SGCD: variants seen among roughly 807,000 people sequenced by gnomAD.
The protein encoded by SGCD is sarcoglycan delta, also known as delta-sarcoglycan.
A neutral mutation model predicts 36.6 loss-of-function variants in SGCD; 18 were observed. The observed-to-expected ratio is 0.49, with a 90% confidence interval of 0.34 to 0.73. The LOEUF (loss-of-function observed/expected upper bound fraction) is 0.73, where lower values mean the gene tolerates loss of function less well. Among genes scored for constraint, SGCD ranks in the 30% least tolerant of loss-of-function variants. SGCD has a pLI of 0.01. For missense variants in SGCD, 387 were observed against 346.7 expected (o/e 1.12, Z -0.92); for synonymous variants, 133 against 130.6 (o/e 1.02, Z -0.12).
chr5:155,974,984 C>T (rs968080838), intron 1 of SGCD, among the ~76,000 whole-genome samples: 1 of 152,166 alleles, frequency 6.6e-6, no homozygotes, highest in Non-Finnish European at 1.5e-5. Context: ...TTCTCTGGGA[C>T]TGGAAATTGA....
chr5:156,755,016 G>C (rs1041327615), intron 7 of SGCD, among the ~76,000 whole-genome samples: 4 of 152,186 alleles, frequency 2.6e-5, no homozygotes, highest in Non-Finnish European at 5.9e-5. Flanking sequence ...GACAAAACTT[G>C]AGACACAGTT....
chr5:156,570,792 T>A (rs553630933), intron 4 of SGCD, among the ~76,000 whole-genome samples: 1 of 152,288 alleles, frequency 6.6e-6, no homozygotes, highest in Non-Finnish European at 1.5e-5. Flanking sequence ...GATCCTTTCC[T>A]TCCTCCCACC....
chr5:156,509,115 C>T (rs1277596342), intron 4 of SGCD, among the ~76,000 whole-genome samples: 2 of 152,100 alleles, frequency 1.3e-5, no homozygotes, highest in African/African-American at 4.8e-5. Flanking sequence ...ACTGTGTAGC[C>T]AGTGTTGGTT....
intron 1 of SGCD, among the ~76,000 whole-genome samples, chr5:155,909,842 T>C (rs1357820612): frequency 6.6e-6 from 1 of 152,048 alleles, no homozygotes; most frequent in Non-Finnish European, 1.5e-5. Flanking sequence ...AAATTTAACA[T>C]TCAAGGGTTT....
At chr5:156,611,066 C>G (rs1456700252) in intron 6 of SGCD, among the ~76,000 whole-genome samples, 1 of 152,230 alleles carries the variant, frequency 6.6e-6, no homozygotes, top group African/African-American at 2.4e-5. Context: ...CAGTGTCCAA[C>G]AGTCCCCAGT....
In SGCD at chr5:156,680,280, C is replaced by G. The variant is rs932448405; in HGVS notation, c.575+32744C>G. ...ATTGGAACCAAAGTTTCCTGACCCCCGGGACTGGGTACTTTCTGGTATTTG... is the reference window on the plus strand; with the variant it reads ...ATTGGAACCAAAGTTTCCTGACCCCGGGGACTGGGTACTTTCTGGTATTTG... On this transcript the variant is annotated intron_variant, in intron 7 of 8. Coordinates refer to ENST00000337851, the MANE Select transcript of SGCD (RefSeq NM_000337.6). 2.0e-5 allele frequency among the ~76,000 whole-genome samples: 3 copies of G among 152,210 alleles called. No individual in the cohort carries two copies. In the East Asian group the frequency reaches 5.8e-4, roughly 29 times the overall value.
chr5:156,423,233 T>TATAATATA (rs1561685361), intron 3 of SGCD, among the ~76,000 whole-genome samples: 1 of 97,162 alleles, frequency 1.0e-5, no homozygotes, highest in African/African-American at 4.7e-5. Context: ...TATATTGTAT[T>TATAATATA]ATATTATATT....
chr5:156,080,268 G>A (rs914291013), intron 1 of SGCD, among the ~76,000 whole-genome samples: 3 of 152,184 alleles, frequency 2.0e-5, no homozygotes, highest in African/African-American at 7.2e-5. Flanking sequence ...AAATCATCTA[G>A]TCCTCTTAGG....
intron 1 of SGCD, among the ~76,000 whole-genome samples, chr5:155,923,242 T>G (rs954610935): frequency 3.2e-4 from 48 of 150,042 alleles, no homozygotes; most frequent in African/African-American, 1.1e-3. Context: ...ATGAATAAAC[T>G]AATACATGTA....
chr5:156,725,315 AAG>A (rs1213723563), intron 7 of SGCD, among the ~76,000 whole-genome samples: 2 of 152,192 alleles, frequency 1.3e-5, no homozygotes, highest in African/African-American at 4.8e-5. Context: ...TTCTGCAAGG[AAG>A]GTTGGGCCAG....
At chr5:156,183,915 G>A (rs529083473) in intron 3 of SGCD, among the ~76,000 whole-genome samples, 73 of 152,094 alleles carry the variant, frequency 4.8e-4, no homozygotes, top group Non-Finnish European at 9.0e-4. Flanking sequence ...ATGTTAATTG[G>A]AAACACAACA....
chr5:155,768,292 G>GTT, the SGCD span, among the ~76,000 whole-genome samples: 60 of 149,448 alleles, frequency 4.0e-4, no homozygotes, highest in South Asian at 8.4e-4. Flanking sequence ...TGTTGTTTTA[G>GTT]TTTTTTTTTT....
intron 6 of SGCD, among the ~76,000 whole-genome samples, chr5:156,602,133 GTA>G (rs1761220838): frequency 6.6e-6 from 1 of 151,870 alleles, no homozygotes; most frequent in Admixed American, 6.5e-5. Context: ...CATCAATGTT[GTA>G]TAGTTTTCAG....
upstream of SGCD, chr5:156,326,723 G>A (rs1170843034): frequency 6.6e-6 from 1 of 152,584 alleles, no homozygotes; most frequent in Non-Finnish European, 1.5e-5. Flanking sequence ...AGTGTAAGGA[G>A]CAAGTGAAAA....
chr5:156,459,147 C>T (rs535642862), intron 3 of SGCD, among the ~76,000 whole-genome samples: 1 of 152,244 alleles, frequency 6.6e-6, no homozygotes, highest in Non-Finnish European at 1.5e-5. Context: ...TCTTTCCCTC[C>T]TGTCTTTGTC....
chr5:155,813,135 A>G, the SGCD span, among the ~76,000 whole-genome samples: 1 of 151,962 alleles, frequency 6.6e-6, no homozygotes, highest in Non-Finnish European at 1.5e-5. Flanking sequence ...CTTGATCACA[A>G]TGACTATGTG....
intron 4 of SGCD, among the ~76,000 whole-genome samples, chr5:156,564,528 T>G (rs888227965): frequency 6.6e-6 from 1 of 152,206 alleles, no homozygotes; most frequent in Non-Finnish European, 1.5e-5. Flanking sequence ...CTTAACCATT[T>G]TTAAGTATGT....
intron 4 of SGCD, among the ~76,000 whole-genome samples, chr5:156,545,237 CA>C (rs1216086864): frequency 6.6e-6 from 1 of 152,086 alleles, no homozygotes; most frequent in Non-Finnish European, 1.5e-5. Context: ...CCAAACTTGT[CA>C]AAAAGTACCT....
At chr5:156,312,395 T>C (rs779467772) in intron 3 of SGCD, among the ~76,000 whole-genome samples, 43 of 152,204 alleles carry the variant, frequency 2.8e-4, no homozygotes, top group Non-Finnish European at 5.3e-4. Flanking sequence ...AGGTAATCCT[T>C]AGCTACCACA....
Sources: allele counts gnomAD v4.1 joint callset (sites outside exome capture counted in the v4.1 genomes callset), GRCh38; gene constraint gnomAD v4.1.1; transcripts MANE v1.5; gene names NCBI Gene and HGNC (gene_info 2026-07-23, HGNC 2026-07-21).